The following SGO2 variants were observed in gnomAD, a reference collection of about 807,000 sequenced individuals.
SGO2 encodes shugoshin-like 2.
SGO2 carries 68 observed loss-of-function variants against 99.5 expected under a neutral mutation model. The observed-to-expected ratio is 0.68, with a 90% CI of 0.56 to 0.84. The LOEUF (loss-of-function observed/expected upper bound fraction) is 0.84, where lower values mean the gene tolerates loss of function less well. SGO2 is among the 40% of genes least tolerant of loss of function. The pLI is 0.00. For synonymous variants in SGO2, 457 were observed against 487.1 expected, an observed-to-expected ratio of 0.94 and a Z score of 0.81; for missense variants, 1,350 against 1,436.7, an observed-to-expected ratio of 0.94 and a Z score of 0.97.
intron 5 of SGO2, among the ~76,000 whole-genome samples, chr2:200,545,599 G>A (rs1227716463): frequency 6.6e-6 from 1 of 152,136 alleles, no homozygotes. Context: ...ACAGCCCAGA[G>A]ATCAAGCTAG....
In SGO2 at chr2:200,583,626, G is replaced by T; in HGVS notation, c.*162G>T. On this transcript the variant is annotated 3_prime_UTR_variant, in exon 9 of 9. Transcript: ENST00000357799. ...TGTCCATTCTTAATGTTTATTAATA[G>T]GTATATGTGCATAAAATAGCTATTT... 2.1e-6 allele frequency: 1 copy of T among 471,200 alleles called. No homozygotes were observed. Among genetic ancestry groups the T allele is most frequent in the Non-Finnish European group, 3.6e-6 (1 of 274,460 alleles). The allele number at this position is 471,200 out of a possible 1,614,324, so 29.2% of individuals were successfully genotyped here.
Position 200,556,013 on chromosome 2 carries a change from G to A in SGO2, c.473+13349G>A, listed in dbSNP as rs9789578. ...GAGTCTCACTCTTGTCATCCAGGCT[G>A]GAGTGCAATGGTGCAATCTCGGCTC... On this transcript the variant is annotated intron_variant, in intron 5 of 8. Transcript: ENST00000357799. Among the ~76,000 whole-genome samples the A allele has an allele frequency of 3.6e-4, 55 of 152,242 alleles. 1 individual carries two copies. In the East Asian group the frequency reaches 0.01, roughly 29 times the overall value.
chr2:200,580,908 A>G (rs1203985052), intron 8 of SGO2, among the ~76,000 whole-genome samples: 1 of 152,168 alleles, frequency 6.6e-6, no homozygotes, highest in Non-Finnish European at 1.5e-5. Context: ...TTCTCTGATC[A>G]GTGCTTTCAA....
chr2:200,552,331 A>G (rs1395509352), intron 5 of SGO2, among the ~76,000 whole-genome samples: 1 of 152,174 alleles, frequency 6.6e-6, no homozygotes, highest in Non-Finnish European at 1.5e-5. Flanking sequence ...CACAGTGCTC[A>G]GCTTTATTTT....
In SGO2 at chr2:200,572,233, G is replaced by GT; in HGVS notation, c.1888dup (p.Tyr630LeufsTer2). 1.2e-6 allele frequency: 2 copies of GT among 1,612,610 alleles called. No individual in the cohort carries two copies. The highest frequency in any genetic ancestry group is 1.7e-6 in the Non-Finnish European group (2 of 1,179,456). ...AAATAATTTCTGGAATGAACCACAT[G>GT]TATGAGGATAATGATAAAGATGTGG... On this transcript the variant is annotated frameshift_variant, in exon 7 of 9. Coordinates refer to ENST00000357799, the MANE Select transcript of SGO2 (RefSeq NM_152524.6). LOFTEE classifies it high-confidence loss of function.
intron 5 of SGO2, among the ~76,000 whole-genome samples, chr2:200,555,451 C>T (rs775362678): frequency 5.3e-5 from 8 of 152,102 alleles, no homozygotes; most frequent in Non-Finnish European, 1.0e-4. Context: ...ATTTTTATAC[C>T]AGATCCTAGA....
chr2:200,537,291 T>C lies in SGO2; in HGVS notation c.387+1149T>C, dbSNP rs565183671. ...CAGGATGCAAAAATGTTATCATCTC[T>C]CATCTTAAAAAATAAATAAATAAAC... On this transcript the variant is annotated intron_variant, in intron 4 of 8. Coordinates refer to ENST00000357799, the MANE Select transcript of SGO2 (RefSeq NM_152524.6). 9.9e-5 allele frequency among the ~76,000 whole-genome samples: 15 copies of C among 152,248 alleles called. No homozygotes were observed. The South Asian group carries it at 3.1e-3, about 32-fold the overall frequency.
Position 200,572,943 on chromosome 2 carries a change from ATCT to A in SGO2, c.2601_2603del (p.Leu868del). On this transcript the variant is annotated inframe_deletion, in exon 7 of 9. Transcript: ENST00000357799. ...GTCACAAATGAATTTCAAACAGTTG[ATCT>A]TCTCATCAAAGATAATGGAAATTTA... The A allele has an allele frequency of 6.3e-7, 1 of 1,598,680 alleles. No individual in the cohort carries two copies.
intron 1 of SGO2, chr2:200,532,344 A>T (rs1574831932): frequency 2.1e-6 from 2 of 934,622 alleles, no homozygotes; most frequent in Admixed American, 1.6e-4. Context: ...AAGGAAATGG[A>T]GGCATGGGGA....
intron 4 of SGO2, among the ~76,000 whole-genome samples, chr2:200,541,643 A>G (rs921599774): frequency 6.6e-6 from 1 of 152,230 alleles, no homozygotes; most frequent in African/African-American, 2.4e-5. Context: ...CATAAAAAGA[A>G]TATGAAACAG....
Position 200,560,623 on chromosome 2 carries a change from G to A in SGO2, c.474-9040G>A, listed in dbSNP as rs116142113. Among the ~76,000 whole-genome samples, 867 of 151,742 alleles carry A rather than the reference G, an allele frequency of 5.7e-3. 2 individuals are homozygous for A. The highest frequency in any genetic ancestry group is 9.7e-3 in the Non-Finnish European group (660 of 67,902). ...CGTTCCTAAAAAAAAATTCCACTTC[G>A]TTATGATGTATTATTCTTTCTATAT... On this transcript the variant is annotated intron_variant, in intron 5 of 8. Coordinates refer to ENST00000357799, the MANE Select transcript of SGO2 (RefSeq NM_152524.6).
At chr2:200,538,785 G>A (rs2031822752) in intron 4 of SGO2, among the ~76,000 whole-genome samples, 1 of 152,044 alleles carries the variant, frequency 6.6e-6, no homozygotes, top group Admixed American at 6.6e-5. Context: ...GTCTTTTTAG[G>A]TGGCTTAGTA....
At chr2:200,566,627 A>C (rs2106338593) in intron 5 of SGO2, among the ~76,000 whole-genome samples, 1 of 152,256 alleles carries the variant, frequency 6.6e-6, no homozygotes, top group Non-Finnish European at 1.5e-5. Context: ...AGTCTGCAGA[A>C]ATTTCTGCTG....
intron 1 of SGO2, among the ~76,000 whole-genome samples, chr2:200,528,540 G>T (rs532355702): frequency 6.6e-6 from 1 of 152,298 alleles, no homozygotes; most frequent in South Asian, 2.1e-4. Flanking sequence ...GAGTAGGTTG[G>T]GGTGGGGGGA....
intron 5 of SGO2, among the ~76,000 whole-genome samples, chr2:200,559,111 C>T (rs1172314366): frequency 6.6e-6 from 1 of 152,108 alleles, no homozygotes; most frequent in Non-Finnish European, 1.5e-5. Context: ...TGTAACATCT[C>T]ATTTCTTTAA....
At position 200,573,744 on chromosome 2, in the gene SGO2, C is replaced by T; in HGVS notation, c.3398C>T (p.Thr1133Ile). The T allele has an allele frequency of 6.2e-7, 1 of 1,611,638 alleles. No homozygotes were observed. The highest frequency in any genetic ancestry group is 8.5e-7 in the Non-Finnish European group (1 of 1,179,072). Residue 1133 changes from threonine to isoleucine, a missense_variant, in exon 7 of 9, where the codon ACA (threonine) becomes ATA (isoleucine). Physicochemically the swap from Thr to Ile is moderately conservative, Grantham distance 89 (BLOSUM62 -1). Coordinates refer to ENST00000357799, the MANE Select transcript of SGO2 (RefSeq NM_152524.6). Reference sequence around the variant, plus strand: ...GTCAAAAATAAGCCAGACTTTTACACAAAGGCATTTAGATCTTTGTCTGAG... The same window carrying T: ...GTCAAAAATAAGCCAGACTTTTACATAAAGGCATTTAGATCTTTGTCTGAG... ...KMVKNKPDFY[T>I]KAFRSLSEIH...
chr2:200,542,662 A>G lies in SGO2; in HGVS notation c.471A>G (p.Ala157=), dbSNP rs560965859. 2.9e-5 allele frequency: 47 copies of G among 1,612,068 alleles called. No individual in the cohort carries two copies. In the South Asian group the frequency reaches 4.8e-4, roughly 17 times the overall value. ...GCAAGTTGATGCGTCTTCCATTTGC[A>G]AGGTAAATATGGGCTTGAATTACAC... ...KQCKLMRLPF[A]RVPLTSNDDE... Residue 157 remains alanine (A), a splice_region_variant and synonymous_variant, in exon 5 of 9, where the codon GCA becomes GCG. Transcript: ENST00000357799.
rs1409582125 is a variant in SGO2 at position 200,535,069 on chromosome 2, A to T, written c.207A>T (p.Lys69Asn). ...TAGCTCAGGCTCTTAGTAGAGAAAAAGAGAATTCTCGAAGAATTACAACTG... is the reference window on the plus strand; with the variant it reads ...TAGCTCAGGCTCTTAGTAGAGAAAATGAGAATTCTCGAAGAATTACAACTG... ...RALAQALSREKENSRRITTEK... is the reference protein window; with the variant it reads ...RALAQALSRENENSRRITTEK... The change falls in exon 3 of 9, where the codon AAA (lysine) becomes AAT (asparagine). Residue 69 changes from lysine to asparagine, a missense_variant. Transcript: ENST00000357799. The T allele has an allele frequency of 1.9e-6, 3 of 1,564,208 alleles. No homozygotes were observed. Among genetic ancestry groups the T allele is most frequent in the Non-Finnish European group, 2.6e-6 (3 of 1,164,336 alleles).
chr2:200,571,923 T>G lies in SGO2; in HGVS notation c.1577T>G (p.Leu526Arg). 3 of 1,612,706 alleles carry G rather than the reference T, an allele frequency of 1.9e-6. No homozygotes were observed. The South Asian group carries it at 3.3e-5, about 18-fold the overall frequency. ...ESKFDKGQNSLTCNKSKASRQ... is the reference protein window; with the variant it reads ...ESKFDKGQNSRTCNKSKASRQ... ...AAATTTGATAAGGGTCAGAATTCCC[T>G]AACTTGTAATAAAAGTAAAGCTTCT... The change falls in exon 7 of 9, where the codon CTA (leucine) becomes CGA (arginine). Residue 526 changes from leucine (L) to arginine (R), a missense_variant. Coordinates refer to ENST00000357799, the MANE Select transcript of SGO2 (RefSeq NM_152524.6).
Sources: gnomAD v4.1 joint callset for allele counts (sites outside exome capture counted in the v4.1 genomes callset) on GRCh38, gnomAD v4.1.1 for gene constraint, MANE v1.5 for transcripts, NCBI Gene and HGNC (gene_info 2026-07-23, HGNC 2026-07-21) for gene names.